CCDC178: variants seen among roughly 807,000 people sequenced by gnomAD.
CCDC178 encodes the protein coiled-coil domain containing 178.
A neutral mutation model predicts 117.4 loss-of-function variants in CCDC178; 126 were observed. The observed-to-expected ratio is 1.07, with a 90% CI of 0.93 to 1.24. CCDC178 has a LOEUF of 1.24. Ranked by LOEUF, CCDC178 falls within the 50% of genes most tolerant of loss-of-function variation. CCDC178 has a pLI of 0.00. For missense variants in CCDC178, 1,030 were observed against 986.9 expected (o/e 1.04, Z -0.59); for synonymous variants, 283 against 313.4 (o/e 0.90, Z 1.02).
chr18:33,267,328 A>C (rs2144769507), intron 12 of CCDC178, 31 bp from the exon 13 acceptor site: 1 of 1,246,534 alleles, frequency 8.0e-7, no homozygotes, highest in South Asian at 1.4e-5. Flanking sequence ...AACAAAGTGA[A>C]TTGTATAGCT....
intron 20 of CCDC178, among the ~76,000 whole-genome samples, chr18:33,095,506 G>T (rs2057528676): frequency 6.6e-6 from 1 of 151,900 alleles, no homozygotes; most frequent in African/African-American, 2.4e-5. Flanking sequence ...CTAGATTGTA[G>T]GTTCCATGAG....
chr18:33,015,458 G>T (rs1034759742), intron 21 of CCDC178, among the ~76,000 whole-genome samples: 1 of 151,740 alleles, frequency 6.6e-6, no homozygotes, highest in African/African-American at 2.4e-5. Context: ...CCACCTACTC[G>T]GGAGGCTGAG....
At chr18:33,095,214 A>G (rs1313313666) in intron 20 of CCDC178, among the ~76,000 whole-genome samples, 2 of 151,952 alleles carry the variant, frequency 1.3e-5, no homozygotes, top group Admixed American at 1.3e-4. Context: ...CACTTTCTCA[A>G]AGACAGATTT....
chr18:33,277,218 T>C (rs2059961698), intron 12 of CCDC178, among the ~76,000 whole-genome samples: 1 of 152,096 alleles, frequency 6.6e-6, no homozygotes, highest in Admixed American at 6.6e-5. Flanking sequence ...TAAACAATGA[T>C]GAGTAACATA....
chr18:33,144,968 AG>A (rs1189090007), intron 20 of CCDC178, among the ~76,000 whole-genome samples: 1 of 152,174 alleles, frequency 6.6e-6, no homozygotes, highest in East Asian at 1.9e-4. Context: ...CACAAGGACT[AG>A]GCAAATATAT....
chr18:33,424,580 A>G (rs2064088605), intron 2 of CCDC178, among the ~76,000 whole-genome samples: 1 of 152,244 alleles, frequency 6.6e-6, no homozygotes, highest in Non-Finnish European at 1.5e-5. Flanking sequence ...GGCTTGACAC[A>G]GCACTGGCAC....
At chr18:33,160,372 T>C (rs1378116133) in intron 20 of CCDC178, among the ~76,000 whole-genome samples, 1 of 152,158 alleles carries the variant, frequency 6.6e-6, no homozygotes, top group Non-Finnish European at 1.5e-5. Flanking sequence ...GCCACGTTTT[T>C]GGTAAATAAT....
intron 2 of CCDC178, among the ~76,000 whole-genome samples, chr18:33,439,758 A>T (rs1308251105): frequency 6.6e-6 from 1 of 152,250 alleles, no homozygotes; most frequent in Non-Finnish European, 1.5e-5. Context: ...TCAATACACA[A>T]CAGATTATCC....
chr18:33,327,032 CA>C (rs1270688004), intron 10 of CCDC178, among the ~76,000 whole-genome samples: 1 of 151,892 alleles, frequency 6.6e-6, no homozygotes, highest in Non-Finnish European at 1.5e-5. Context: ...AAAACTGGGT[CA>C]AGATTGCATA....
chr18:33,059,116 CA>C (rs1374867242), intron 21 of CCDC178, among the ~76,000 whole-genome samples: 1 of 152,030 alleles, frequency 6.6e-6, no homozygotes, highest in South Asian at 2.1e-4. Flanking sequence ...TTTTATTCCA[CA>C]GGGGGCCATT....
intron 11 of CCDC178, among the ~76,000 whole-genome samples, chr18:33,310,055 G>C (rs2062317092): frequency 6.6e-6 from 1 of 151,658 alleles, no homozygotes; most frequent in Non-Finnish European, 1.5e-5. Context: ...TCCAGCTCCT[G>C]GGTTCAAGCA....
intron 21 of CCDC178, among the ~76,000 whole-genome samples, chr18:32,981,610 T>C (rs1453101687): frequency 6.6e-6 from 1 of 152,208 alleles, no homozygotes; most frequent in Non-Finnish European, 1.5e-5. Context: ...CTTAGAATGA[T>C]TTACTTTCAG....
chr18:33,124,228 A>G (rs1197879588), intron 20 of CCDC178, among the ~76,000 whole-genome samples: 1 of 152,188 alleles, frequency 6.6e-6, no homozygotes, highest in African/African-American at 2.4e-5. Context: ...AACAAGTGCT[A>G]CTAACCTCCA....
chr18:33,309,297 A>C (rs999184605), intron 11 of CCDC178, among the ~76,000 whole-genome samples: 1 of 152,164 alleles, frequency 6.6e-6, no homozygotes, highest in Non-Finnish European at 1.5e-5. Flanking sequence ...GTTCTTACTT[A>C]GGTGAATACC....
intron 6 of CCDC178, among the ~76,000 whole-genome samples, chr18:33,359,637 C>G (rs1320051767): frequency 1.3e-5 from 2 of 151,492 alleles, no homozygotes; most frequent in African/African-American, 4.8e-5. Flanking sequence ...TAGAATTTCA[C>G]TTGTCATAAA....
chr18:33,276,028 G>GCAAATAAA (rs1555675968), intron 12 of CCDC178, among the ~76,000 whole-genome samples: 2 of 146,754 alleles, frequency 1.4e-5, no homozygotes, highest in Non-Finnish European at 3.0e-5. Flanking sequence ...AAGTAAGTGA[G>GCAAATAAA]TAAATAAATA....
intron 3 of CCDC178, among the ~76,000 whole-genome samples, chr18:33,405,808 T>C (rs1162933558): frequency 6.6e-6 from 1 of 152,044 alleles, no homozygotes; most frequent in Admixed American, 6.6e-5. Context: ...GGGAAAAGTA[T>C]AATAGGCTGG....
intron 4 of CCDC178, among the ~76,000 whole-genome samples, chr18:33,391,883 G>A (rs1207971344): frequency 6.7e-6 from 1 of 148,218 alleles, no homozygotes; most frequent in Admixed American, 6.7e-5. Context: ...TTTTTTTTCT[G>A]AGGTGGAGTC....
intron 14 of CCDC178, among the ~76,000 whole-genome samples, chr18:33,264,873 AC>A (rs1244157990): frequency 6.6e-6 from 1 of 152,016 alleles, no homozygotes; most frequent in African/African-American, 2.4e-5. Context: ...TGAGAAATCA[AC>A]CTTTTTATTT....
Sources: allele counts gnomAD v4.1 joint callset (sites outside exome capture counted in the v4.1 genomes callset), GRCh38; gene constraint gnomAD v4.1.1; transcripts MANE v1.5; gene names NCBI Gene and HGNC (gene_info 2026-07-23, HGNC 2026-07-21).